Variants in POU6F2 observed in about 807,000 individuals in gnomAD.
POU6F2 encodes the protein POU domain, class 6, transcription factor 2.
A neutral mutation model predicts 71.3 loss-of-function variants in POU6F2; 31 were observed. The ratio of observed to expected loss-of-function variants is 0.43; its 90% CI spans 0.33 to 0.59. The LOEUF is 0.59. POU6F2 is among the 20% of genes least tolerant of loss of function. The pLI is 0.04. For synonymous variants in POU6F2, 347 were observed against 355.7 expected, an observed-to-expected ratio of 0.98 and a Z score of 0.27; for missense variants, 783 against 856.8, an observed-to-expected ratio of 0.91 and a Z score of 1.07.
chr7:39,092,945 A>AT (rs1791384969), intron 2 of POU6F2, among the ~76,000 whole-genome samples: 1 of 152,152 alleles, frequency 6.6e-6, no homozygotes, highest in Non-Finnish European at 1.5e-5. Context: ...AAAACTACCT[A>AT]ACCAAGATGC....
chr7:38,988,693 T>C (rs1236872126), intron 1 of POU6F2, among the ~76,000 whole-genome samples: 1 of 152,104 alleles, frequency 6.6e-6, no homozygotes, highest in Non-Finnish European at 1.5e-5. Context: ...GTAAGGTAGG[T>C]ACTGTTGTTA....
At chr7:39,386,771 G>A (rs1232508899) in intron 5 of POU6F2, among the ~76,000 whole-genome samples, 1 of 152,166 alleles carries the variant, frequency 6.6e-6, no homozygotes, top group Non-Finnish European at 1.5e-5. Context: ...ACAATTATTA[G>A]CACACTTATC....
chr7:39,077,782 A>G (rs1371541763), intron 1 of POU6F2, among the ~76,000 whole-genome samples: 1 of 152,168 alleles, frequency 6.6e-6, no homozygotes, highest in South Asian at 2.1e-4. Context: ...CTGGACATTC[A>G]CCTTAACCAA....
intron 1 of POU6F2, among the ~76,000 whole-genome samples, chr7:39,072,817 GTTTA>G (rs1287965624): frequency 1.3e-5 from 2 of 152,214 alleles, no homozygotes; most frequent in Non-Finnish European, 2.9e-5. Context: ...GGAGCGACAT[GTTTA>G]TTTATTAGCA....
intron 4 of POU6F2, among the ~76,000 whole-genome samples, chr7:39,307,055 A>G (rs1330239581): frequency 1.3e-5 from 2 of 152,244 alleles, no homozygotes; most frequent in Non-Finnish European, 2.9e-5. Context: ...TCAGATGTCC[A>G]AGAGACCCAC....
At chr7:39,166,563 C>T (rs994848231) in intron 2 of POU6F2, among the ~76,000 whole-genome samples, 6 of 152,134 alleles carry the variant, frequency 3.9e-5, no homozygotes, top group African/African-American at 1.4e-4. Context: ...GCCCAAGTGT[C>T]AGCCTGACTG....
At chr7:39,426,232 A>G in intron 6 of POU6F2, among the ~76,000 whole-genome samples, 1 of 152,244 alleles carries the variant, frequency 6.6e-6, no homozygotes, top group Middle Eastern at 3.4e-3. Context: ...TGCTCTCTGG[A>G]CCAGCCATTG....
In POU6F2 at chr7:39,460,364, G is replaced by A. The variant is rs1003117629; in HGVS notation, c.1490-183G>A. On this transcript the variant is annotated intron_variant, in intron 8 of 9. Coordinates refer to ENST00000518318, the MANE Select transcript of POU6F2 (RefSeq NM_001370959.1). This position sits in a 1 kb window ranked among gnomAD's most constrained non-coding sequence, Gnocchi z 4.4. Reference sequence around the variant, plus strand: ...ACATCTCGAAGGATGATTTGTGGAGGTGTAATGAGTTGCGGATGGAGTGTT... The same window carrying A: ...ACATCTCGAAGGATGATTTGTGGAGATGTAATGAGTTGCGGATGGAGTGTT... Among the ~76,000 whole-genome samples the A allele has an allele frequency of 2.6e-5, 4 of 152,322 alleles. No individual in the cohort carries two copies. Among genetic ancestry groups the A allele is most frequent in the Admixed American group, 2.6e-4 (4 of 15,310 alleles).
intron 1 of POU6F2, among the ~76,000 whole-genome samples, chr7:38,999,380 T>C (rs913052594): frequency 2.6e-5 from 4 of 152,200 alleles, no homozygotes; most frequent in Non-Finnish European, 5.9e-5. Flanking sequence ...CATAAAGGCA[T>C]GATCCAAGGC....
intron 1 of POU6F2, among the ~76,000 whole-genome samples, chr7:39,024,648 T>C (rs1050784617): frequency 1.3e-5 from 2 of 152,200 alleles, no homozygotes; most frequent in African/African-American, 2.4e-5. Flanking sequence ...GGGTTTGTCA[T>C]AGACAGCTCT....
At chr7:39,458,271 T>A (rs1281714265) in intron 8 of POU6F2, among the ~76,000 whole-genome samples, 1 of 152,126 alleles carries the variant, frequency 6.6e-6, no homozygotes, top group African/African-American at 2.4e-5. Flanking sequence ...TCCAGCCCAC[T>A]GGACATTACC....
intron 2 of POU6F2, among the ~76,000 whole-genome samples, chr7:39,135,277 A>G (rs1165071730): frequency 1.3e-5 from 2 of 152,238 alleles, no homozygotes; most frequent in Non-Finnish European, 2.9e-5. Flanking sequence ...TACTTACTAT[A>G]TATCAGGCAC....
intron 1 of POU6F2, chr7:39,034,355 G>A (rs2030849277): frequency 8.1e-6 from 2 of 246,630 alleles, no homozygotes; most frequent in South Asian, 8.0e-5. Context: ...GGAGGAGAGT[G>A]TGTATGTGTT....
intron 4 of POU6F2, among the ~76,000 whole-genome samples, chr7:39,216,890 C>T (rs1266052379): frequency 1.3e-5 from 2 of 152,012 alleles, no homozygotes; most frequent in Non-Finnish European, 2.9e-5. Context: ...ACTTCAGATG[C>T]CTGTAATTTG....
chr7:39,346,833 G>C (rs140776379), intron 5 of POU6F2, among the ~76,000 whole-genome samples: 3 of 152,294 alleles, frequency 2.0e-5, no homozygotes, highest in African/African-American at 7.2e-5. Context: ...TTTTCCACTG[G>C]TTTTTAAATT....
chr7:39,208,348 A>C (rs891166919), intron 4 of POU6F2, among the ~76,000 whole-genome samples: 2 of 152,326 alleles, frequency 1.3e-5, no homozygotes, highest in Admixed American at 6.5e-5. Flanking sequence ...AATGACCTGA[A>C]TATAAATAGG....
intron 4 of POU6F2, among the ~76,000 whole-genome samples, chr7:39,236,685 C>A (rs1446571337): frequency 2.0e-5 from 3 of 152,052 alleles, no homozygotes; most frequent in African/African-American, 7.2e-5. Flanking sequence ...AAGTAGCATG[C>A]TACTTCATTT....
chr7:39,298,238 T>C (rs931392211), intron 4 of POU6F2, among the ~76,000 whole-genome samples: 1 of 152,130 alleles, frequency 6.6e-6, no homozygotes, highest in Admixed American at 6.5e-5. Context: ...GCCCACAGAA[T>C]GGGAGAAAAT....
rs538854237 is a variant in POU6F2, at chr7:39,302,898, T to C, written c.599-36744T>C. 1.0e-3 allele frequency among the ~76,000 whole-genome samples: 158 copies of C among 152,262 alleles called. No individual in the cohort carries two copies. In the South Asian group the frequency reaches 0.03, roughly 29 times the overall value. ...TAATCCAGTCCAGTGGTTGTCAAAT[T>C]TGAATGTGCATCAGAATCACTTGGA... On this transcript the variant is annotated intron_variant, in intron 4 of 9. Transcript: ENST00000518318.
Sources: gnomAD v4.1 joint callset for allele counts (sites outside exome capture counted in the v4.1 genomes callset) on GRCh38, gnomAD v4.1.1 for gene constraint, Gnocchi (gnomAD v3.1) non-coding constraint, MANE v1.5 for transcripts, NCBI Gene and HGNC (gene_info 2026-07-23, HGNC 2026-07-21) for gene names.